The following PIK3C2G variants were observed in gnomAD, a reference collection of about 807,000 sequenced individuals.
PIK3C2G encodes phosphatidylinositol 3-kinase C2 domain-containing subunit gamma.
In PIK3C2G, 168 loss-of-function variants were observed where a neutral mutation model predicts 181.1. That is an observed-to-expected ratio of 0.93 (90% confidence interval 0.82 to 1.05). The LOEUF is 1.05. Ranked by LOEUF, PIK3C2G falls within the 50% of genes least tolerant of loss-of-function variation. The pLI is 0.00. For missense variants in PIK3C2G, 1,869 were observed against 1,732.8 expected (o/e 1.08, Z -1.40); for synonymous variants, 573 against 592.2 (o/e 0.97, Z 0.47).
chr12:18,656,045 A>G, the PIK3C2G span, among the ~76,000 whole-genome samples: 5 of 152,208 alleles, frequency 3.3e-5, 1 homozygote, highest in Admixed American at 1.3e-4. Context: ...ATTGTGACAA[A>G]TTCTAATATA....
intron 16 of PIK3C2G, among the ~76,000 whole-genome samples, chr12:18,405,016 T>A (rs1332405772): frequency 6.6e-6 from 1 of 151,750 alleles, no homozygotes; most frequent in Non-Finnish European, 1.5e-5. Flanking sequence ...CAGAGGAAAG[T>A]AAAAAAGAGA....
intron 30 of PIK3C2G, among the ~76,000 whole-genome samples, chr12:18,595,974 C>G (rs1342525900): frequency 6.6e-6 from 1 of 152,072 alleles, no homozygotes; most frequent in Non-Finnish European, 1.5e-5. Context: ...GTGTGTTTAT[C>G]TGTAGACTAG....
chr12:18,652,034 TGTTA>T (rs1950542063), downstream of PIK3C2G, among the ~76,000 whole-genome samples: 1 of 152,178 alleles, frequency 6.6e-6, no homozygotes, highest in African/African-American at 2.4e-5. Context: ...TTTGTTAGTT[TGTTA>T]GTTTTACGTA....
chr12:18,700,287 G>A, the PIK3C2G span, among the ~76,000 whole-genome samples: 6 of 151,638 alleles, frequency 4.0e-5, no homozygotes, highest in Non-Finnish European at 5.9e-5. Context: ...ATATTGAAAT[G>A]ACTTCTATTA....
chr12:18,679,483 GA>G, the PIK3C2G span, among the ~76,000 whole-genome samples: 1 of 151,824 alleles, frequency 6.6e-6, no homozygotes. Flanking sequence ...TGCATTAAGT[GA>G]CAACATTCAT....
intron 29 of PIK3C2G, among the ~76,000 whole-genome samples, chr12:18,580,142 A>G (rs1250261480): frequency 6.6e-6 from 1 of 152,068 alleles, no homozygotes; most frequent in Non-Finnish European, 1.5e-5. Context: ...AAAAAAAAAA[A>G]AAAGAGAGAG....
chr12:18,365,529 G>C (rs2137826135), intron 12 of PIK3C2G, among the ~76,000 whole-genome samples: 1 of 152,146 alleles, frequency 6.6e-6, no homozygotes, highest in South Asian at 2.1e-4. Flanking sequence ...AGAAGCTTTT[G>C]GCACTGTTGA....
In PIK3C2G at chr12:18,342,755, G is replaced by T. The variant is rs971555748; in HGVS notation, c.1396-572G>T. ...CCACACTAATGGACATGAATTTAAAGAATAATGAAAATGAAAACCAAAAAA... is the reference window on the plus strand; with the variant it reads ...CCACACTAATGGACATGAATTTAAATAATAATGAAAATGAAAACCAAAAAA... On this transcript the variant is annotated intron_variant, in intron 9 of 32. Transcript: ENST00000538779. Among the ~76,000 whole-genome samples the T allele has an allele frequency of 2.2e-4, 33 of 151,744 alleles. 2 individuals carry two copies. The highest frequency in any genetic ancestry group is 1.5e-3 in the East Asian group (8 of 5,166).
chr12:18,635,807 C>G (rs1949574654), intron 31 of PIK3C2G, among the ~76,000 whole-genome samples: 2 of 152,170 alleles, frequency 1.3e-5, no homozygotes, highest in Admixed American at 6.5e-5. Context: ...GGTCACTCAG[C>G]AAATGGGCCA....
At chr12:18,368,960 T>C (rs1941833313) in intron 12 of PIK3C2G, among the ~76,000 whole-genome samples, 1 of 152,192 alleles carries the variant, frequency 6.6e-6, no homozygotes, top group South Asian at 2.1e-4. Context: ...ACTCCTAGTG[T>C]GAGAAGATGC....
chr12:18,631,100 G>A (rs1949332583), intron 31 of PIK3C2G, among the ~76,000 whole-genome samples: 1 of 152,130 alleles, frequency 6.6e-6, no homozygotes, highest in African/African-American at 2.4e-5. Context: ...GAAATGAGAA[G>A]TATTGATGAG....
At chr12:18,706,595 C>T in the PIK3C2G span, among the ~76,000 whole-genome samples, 27 of 152,268 alleles carry the variant, frequency 1.8e-4, no homozygotes, top group South Asian at 5.6e-3. Context: ...AACTTCAAAA[C>T]TTGCCATTAA....
At chr12:18,360,941 T>G (rs1941181293) in intron 11 of PIK3C2G, among the ~76,000 whole-genome samples, 1 of 152,186 alleles carries the variant, frequency 6.6e-6, no homozygotes, top group South Asian at 2.1e-4. Flanking sequence ...TCACCATTAC[T>G]TTTTCAAATG....
chr12:18,651,662 TC>T (rs1457198401), downstream of PIK3C2G, among the ~76,000 whole-genome samples: 2 of 152,106 alleles, frequency 1.3e-5, no homozygotes, highest in African/African-American at 2.4e-5. Flanking sequence ...CCTTGGAACT[TC>T]CGGCCTGAAC....
At chr12:18,322,381 C>CA (rs201077149) in intron 7 of PIK3C2G, among the ~76,000 whole-genome samples, 20,968 of 127,572 alleles carry the variant, frequency 0.16, 1,910 homozygotes, top group Admixed American at 0.28. Context: ...GACCTCATCT[C>CA]AAAAAAAAAA....
At chr12:18,567,350 G>A (rs1034497432) in intron 29 of PIK3C2G, among the ~76,000 whole-genome samples, 23 of 152,078 alleles carry the variant, frequency 1.5e-4, no homozygotes, top group Non-Finnish European at 2.4e-4. Context: ...AGTGAGCTAT[G>A]ATAGTGCCAC....
At position 18,293,602 on chromosome 12, in the gene PIK3C2G, T is replaced by C. The variant is rs180844586; in HGVS notation, c.920-299T>C. On this transcript the variant is annotated intron_variant, in intron 4 of 32. Transcript: ENST00000538779. ...CCCAAGTCCCTAAGAGAAACTGCAG[T>C]AGATTTTTATGCAGAACTGCAGTGT... Among the ~76,000 whole-genome samples, 1,482 of 152,216 alleles carry C rather than the reference T, an allele frequency of 9.7e-3. 29 individuals carry two copies. The highest frequency in any genetic ancestry group is 0.033 in the African/African-American group (1,351 of 41,546).
chr12:18,259,790 G>A (rs1948189420), upstream of PIK3C2G, among the ~76,000 whole-genome samples: 1 of 152,054 alleles, frequency 6.6e-6, no homozygotes, highest in East Asian at 1.9e-4. Context: ...TTTCATTGTT[G>A]AAGCTTGATC....
At chr12:18,588,867 T>C (rs1277355028) in intron 29 of PIK3C2G, among the ~76,000 whole-genome samples, 3 of 152,110 alleles carry the variant, frequency 2.0e-5, no homozygotes, top group African/African-American at 7.2e-5. Context: ...GCAGGTTGGA[T>C]GAAGAAAATA....
Sources: allele counts gnomAD v4.1 joint callset (sites outside exome capture counted in the v4.1 genomes callset), GRCh38; gene constraint gnomAD v4.1.1; transcripts MANE v1.5; gene names NCBI Gene and HGNC (gene_info 2026-07-23, HGNC 2026-07-21).